Variants in SLC25A26 observed in about 807,000 individuals in gnomAD.
SLC25A26 encodes the protein mitochondrial S-adenosylmethionine carrier protein.
In SLC25A26, 36 loss-of-function variants were observed where a neutral mutation model predicts 37.8. That is an observed-to-expected ratio of 0.95 (90% CI 0.73 to 1.26). The LOEUF (loss-of-function observed/expected upper bound fraction) is 1.26, where lower values mean the gene tolerates loss of function less well. SLC25A26 is among the 50% of genes most tolerant of loss of function. The pLI is 0.00. For synonymous variants in SLC25A26, 129 were observed against 122.5 expected, an observed-to-expected ratio of 1.05 and a Z score of -0.35; for missense variants, 390 against 331.1, an observed-to-expected ratio of 1.18 and a Z score of -1.38.
chr3:66,179,718 C>CT (rs928709170), intron 1 of SLC25A26, among the ~76,000 whole-genome samples: 9 of 148,820 alleles, frequency 6.0e-5, no homozygotes, highest in South Asian at 2.1e-4. Flanking sequence ...TGTTACTGGG[C>CT]TTTTTTTTTT....
At chr3:66,263,905 G>C (rs753426033) in intron 5 of SLC25A26, among the ~76,000 whole-genome samples, 2 of 151,960 alleles carry the variant, frequency 1.3e-5, no homozygotes, top group Non-Finnish European at 2.9e-5. Context: ...TGATCCTCCC[G>C]CCTCGGCCTC....
At chr3:66,174,475 C>G (rs141995031) in intron 1 of SLC25A26, among the ~76,000 whole-genome samples, 111 of 152,266 alleles carry the variant, frequency 7.3e-4, no homozygotes, top group African/African-American at 2.6e-3. Context: ...GAAATGATGT[C>G]AGGCTTATGA....
intron 1 of SLC25A26, among the ~76,000 whole-genome samples, chr3:66,171,319 G>A (rs1215213656): frequency 1.3e-5 from 2 of 152,140 alleles, no homozygotes; most frequent in Admixed American, 1.3e-4. Context: ...CCTCACATCT[G>A]GTTTTGTGGC....
chr3:66,298,696 C>G lies in SLC25A26; in HGVS notation c.453+35317C>G, dbSNP rs2074981328. Among the ~76,000 whole-genome samples, 3 of 152,216 alleles carry G rather than the reference C, an allele frequency of 2.0e-5. No homozygotes were observed. In the South Asian group the frequency reaches 6.2e-4, roughly 32 times the overall value. On this transcript the variant is annotated intron_variant, in intron 5 of 9. Transcript: ENST00000354883. ...AGTGCTAAAAGCTGCTAGAAATGAG[C>G]ACCAGTCACACTACTGATCTGTGTT...
intron 1 of SLC25A26, among the ~76,000 whole-genome samples, chr3:66,193,638 CAG>C (rs1386538344): frequency 6.6e-6 from 1 of 151,412 alleles, no homozygotes; most frequent in Non-Finnish European, 1.5e-5. Flanking sequence ...TGTTTAGAAA[CAG>C]AGATGTTTCT....
intron 3 of SLC25A26, among the ~76,000 whole-genome samples, chr3:66,259,238 C>T (rs2073426936): frequency 6.6e-6 from 1 of 152,150 alleles, no homozygotes; most frequent in African/African-American, 2.4e-5. Context: ...AATTTATGTT[C>T]CCAGGGTTCC....
chr3:66,369,264 G>T (rs1307185818), intron 7 of SLC25A26, among the ~76,000 whole-genome samples: 3 of 152,170 alleles, frequency 2.0e-5, no homozygotes, highest in African/African-American at 7.2e-5. Context: ...TTTTTCACCT[G>T]AGTGGGTAGA....
chr3:66,246,821 T>G (rs782064246), intron 3 of SLC25A26, among the ~76,000 whole-genome samples: 2 of 152,188 alleles, frequency 1.3e-5, no homozygotes, highest in Non-Finnish European at 2.9e-5. Context: ...TAGCTGAGAC[T>G]ACTGGTGTGC....
chr3:66,278,159 T>A (rs1337239026), intron 5 of SLC25A26, among the ~76,000 whole-genome samples: 2 of 152,144 alleles, frequency 1.3e-5, no homozygotes, highest in South Asian at 4.1e-4. Context: ...CCAGCATATA[T>A]GTGAACTCTG....
At chr3:66,145,076 A>G (rs752867553) in intron 1 of SLC25A26, among the ~76,000 whole-genome samples, 1 of 152,180 alleles carries the variant, frequency 6.6e-6, no homozygotes, top group South Asian at 2.1e-4. Flanking sequence ...TGTAAAATCA[A>G]TGGATTGGAA....
At chr3:66,188,977 C>A (rs1240628901) in intron 1 of SLC25A26, among the ~76,000 whole-genome samples, 1 of 152,066 alleles carries the variant, frequency 6.6e-6, no homozygotes, top group African/African-American at 2.4e-5. Flanking sequence ...TACCTCACAA[C>A]GATGCTGAAC....
chr3:66,329,879 T>C (rs943870723), intron 5 of SLC25A26, among the ~76,000 whole-genome samples: 1 of 152,204 alleles, frequency 6.6e-6, no homozygotes, highest in Non-Finnish European at 1.5e-5. Flanking sequence ...CTGATGTAGG[T>C]AGAGATTATA....
intron 1 of SLC25A26, among the ~76,000 whole-genome samples, chr3:66,167,669 A>G (rs950673162): frequency 6.6e-6 from 1 of 152,176 alleles, no homozygotes; most frequent in Non-Finnish European, 1.5e-5. Context: ...ATCTTTCAAC[A>G]TGTCTCTAAG....
intron 5 of SLC25A26, among the ~76,000 whole-genome samples, chr3:66,291,747 G>A (rs763612946): frequency 6.6e-6 from 1 of 152,180 alleles, no homozygotes. Context: ...GAATAAGTGC[G>A]ATGTGTTGCT....
chr3:66,346,950 G>A (rs2076340201), intron 6 of SLC25A26, among the ~76,000 whole-genome samples: 1 of 152,088 alleles, frequency 6.6e-6, no homozygotes, highest in Admixed American at 6.5e-5. Context: ...AGGACTAGGA[G>A]CCTCCAGAGG....
intron 6 of SLC25A26, among the ~76,000 whole-genome samples, chr3:66,359,747 G>C (rs949876349): frequency 6.6e-6 from 1 of 152,138 alleles, no homozygotes; most frequent in African/African-American, 2.4e-5. Context: ...AAAAATAATG[G>C]TTTCTATTAA....
chr3:66,146,425 GA>G (rs1288718985), intron 1 of SLC25A26, among the ~76,000 whole-genome samples: 1 of 151,498 alleles, frequency 6.6e-6, no homozygotes, highest in Non-Finnish European at 1.5e-5. Context: ...TACACACAAA[GA>G]ATATAATATG....
At chr3:66,216,238 T>C (rs956305124), upstream of SLC25A26, among the ~76,000 whole-genome samples, 10 of 152,252 alleles carry the variant, frequency 6.6e-5, no homozygotes, top group Middle Eastern at 3.4e-3. Flanking sequence ...ATCAGTAACA[T>C]GGAATGGGGC....
At chr3:66,253,452 G>A (rs1018132462) in intron 3 of SLC25A26, among the ~76,000 whole-genome samples, 2 of 151,580 alleles carry the variant, frequency 1.3e-5, no homozygotes, top group South Asian at 2.1e-4. Context: ...GATTATCCAC[G>A]TGGGCCCAGT....
Sources: gnomAD v4.1 joint callset for allele counts (sites outside exome capture counted in the v4.1 genomes callset) on GRCh38, gnomAD v4.1.1 for gene constraint, MANE v1.5 for transcripts, NCBI Gene and HGNC (gene_info 2026-07-23, HGNC 2026-07-21) for gene names.